The following NXPH1 variants were observed in gnomAD, a reference collection of about 807,000 sequenced individuals.
NXPH1 encodes the protein neurexophilin-1.
NXPH1 carries 5 observed loss-of-function variants against 23.7 expected under a neutral mutation model. The observed-to-expected ratio is 0.21, with a 90% CI of 0.11 to 0.44. The LOEUF is 0.44. Among genes scored for constraint, NXPH1 ranks in the 20% least tolerant of loss-of-function variants. The pLI, the probability that NXPH1 is intolerant of heterozygous loss-of-function variation, is 0.99. For synonymous variants in NXPH1, 144 were observed against 122.2 expected, an observed-to-expected ratio of 1.18 and a Z score of -1.18; for missense variants, 324 against 321.6, an observed-to-expected ratio of 1.01 and a Z score of -0.06.
intron 2 of NXPH1, among the ~76,000 whole-genome samples, chr7:8,470,508 A>T (rs1383690522): frequency 6.6e-6 from 1 of 152,172 alleles, no homozygotes; most frequent in Admixed American, 6.5e-5. Flanking sequence ...TGAATATTAG[A>T]CCATTTAGGG....
intron 2 of NXPH1, among the ~76,000 whole-genome samples, chr7:8,642,708 C>G (rs1294063509): frequency 6.6e-6 from 1 of 151,824 alleles, no homozygotes; most frequent in Non-Finnish European, 1.5e-5. Context: ...TTTCATATTC[C>G]TTATTTTTCT....
chr7:8,621,061 G>T (rs1313060954), intron 2 of NXPH1, among the ~76,000 whole-genome samples: 1 of 152,116 alleles, frequency 6.6e-6, no homozygotes, highest in African/African-American at 2.4e-5. Context: ...CATCATCTTT[G>T]CTGTCAAAAA....
intron 2 of NXPH1, among the ~76,000 whole-genome samples, chr7:8,553,713 T>C (rs759250640): frequency 7.3e-5 from 11 of 151,644 alleles, no homozygotes; most frequent in Non-Finnish European, 1.6e-4. Context: ...ACAGATTTAA[T>C]GCATCACCAA....
intron 2 of NXPH1, among the ~76,000 whole-genome samples, chr7:8,576,194 T>C (rs369630740): frequency 1.2e-4 from 18 of 152,180 alleles, no homozygotes; most frequent in Admixed American, 9.8e-4. Flanking sequence ...TCTAGGCATA[T>C]GTTTGAAAAC....
At chr7:8,479,629 C>G (rs1171659319) in intron 2 of NXPH1, among the ~76,000 whole-genome samples, 1 of 152,070 alleles carries the variant, frequency 6.6e-6, no homozygotes, top group African/African-American at 2.4e-5. Context: ...TTAAAAGAAA[C>G]AGGACTTAGA....
At chr7:8,603,796 T>C (rs1173187881) in intron 2 of NXPH1, among the ~76,000 whole-genome samples, 1 of 152,178 alleles carries the variant, frequency 6.6e-6, no homozygotes, top group Admixed American at 6.6e-5. Context: ...TGGCATCCTC[T>C]CCTTTATTTG....
intron 2 of NXPH1, among the ~76,000 whole-genome samples, chr7:8,592,970 C>G (rs770173304): frequency 6.6e-6 from 1 of 151,864 alleles, no homozygotes; most frequent in Non-Finnish European, 1.5e-5. Flanking sequence ...TCATTGTCCC[C>G]GTTTTACCAA....
intron 2 of NXPH1, among the ~76,000 whole-genome samples, chr7:8,461,941 G>T (rs540662734): frequency 2.0e-5 from 3 of 151,836 alleles, no homozygotes. Context: ...GCTACTTGGG[G>T]TTTATATGTA....
chr7:8,700,087 G>C (rs1779598195), intron 2 of NXPH1, among the ~76,000 whole-genome samples: 1 of 152,242 alleles, frequency 6.6e-6, no homozygotes, highest in Admixed American at 6.5e-5. Context: ...CCTGTGAAAG[G>C]CAGCAGAGCA....
intron 2 of NXPH1, among the ~76,000 whole-genome samples, chr7:8,557,404 C>A (rs1490112804): frequency 6.6e-6 from 1 of 151,634 alleles, no homozygotes; most frequent in African/African-American, 2.4e-5. Context: ...AGGAGGCTTC[C>A]ATGGTATACT....
intron 2 of NXPH1, among the ~76,000 whole-genome samples, chr7:8,649,227 T>C (rs987787521): frequency 6.6e-6 from 1 of 152,192 alleles, no homozygotes; most frequent in African/African-American, 2.4e-5. Flanking sequence ...TTTACATTCA[T>C]TGTGATTGCC....
chr7:8,462,171 C>G (rs897897255), intron 2 of NXPH1, among the ~76,000 whole-genome samples: 11 of 152,116 alleles, frequency 7.2e-5, no homozygotes, highest in African/African-American at 2.7e-4. Context: ...ACCTCAGCCT[C>G]CCAAGTAGCT....
At chr7:8,528,627 G>A (rs2128616980) in intron 2 of NXPH1, among the ~76,000 whole-genome samples, 1 of 152,216 alleles carries the variant, frequency 6.6e-6, no homozygotes, top group South Asian at 2.1e-4. Context: ...ATTCTTCTTT[G>A]AAGGAACAGC....
At chr7:8,726,343 T>A (rs1243103351) in intron 2 of NXPH1, among the ~76,000 whole-genome samples, 1 of 151,972 alleles carries the variant, frequency 6.6e-6, no homozygotes, top group Non-Finnish European at 1.5e-5. Flanking sequence ...TTTAAATGTA[T>A]TATTATTATA....
chr7:8,435,698 T>C lies in NXPH1; in HGVS notation c.-16T>C. ...CTCAAAGAAGGCACCGCCAAGGAAG[T>C]TTGAGACGCGGGAGAATGCAGGCTG... is the stretch of plus-strand genomic sequence containing the variant. On this transcript the variant is annotated 5_prime_UTR_variant, in exon 2 of 3. Coordinates refer to ENST00000405863, the MANE Select transcript of NXPH1 (RefSeq NM_152745.3). This position sits in a 1 kb window ranked among gnomAD's most constrained non-coding sequence, Gnocchi z 5.9. 1 of 1,613,654 alleles carries C rather than the reference T, an allele frequency of 6.2e-7. No individual in the cohort carries two copies. Among genetic ancestry groups the C allele is most frequent in the Non-Finnish European group, 8.5e-7 (1 of 1,179,646 alleles).
At chr7:8,490,041 T>A (rs1439465209) in intron 2 of NXPH1, among the ~76,000 whole-genome samples, 1 of 152,064 alleles carries the variant, frequency 6.6e-6, no homozygotes, top group Non-Finnish European at 1.5e-5. Flanking sequence ...TATTCCTGAG[T>A]CCCAGCCTTA....
intron 2 of NXPH1, among the ~76,000 whole-genome samples, chr7:8,438,724 G>C (rs1816241865): frequency 6.6e-6 from 1 of 152,190 alleles, no homozygotes; most frequent in Admixed American, 6.5e-5. Context: ...CTCTGCAGTA[G>C]GTCAATGCCC....
chr7:8,462,223 A>G (rs553679102), intron 2 of NXPH1, among the ~76,000 whole-genome samples: 1 of 152,206 alleles, frequency 6.6e-6, no homozygotes, highest in Admixed American at 6.5e-5. Flanking sequence ...TAATTTTTGT[A>G]TTTTTAGTAG....
intron 2 of NXPH1, among the ~76,000 whole-genome samples, chr7:8,729,556 T>C (rs1402329677): frequency 7.9e-6 from 1 of 126,466 alleles, no homozygotes; most frequent in Non-Finnish European, 1.6e-5. Context: ...TTCTCCTTGG[T>C]TTCAAAGAAC....
Sources: allele counts gnomAD v4.1 joint callset (sites outside exome capture counted in the v4.1 genomes callset), GRCh38; gene constraint gnomAD v4.1.1; non-coding constraint Gnocchi (gnomAD v3.1); transcripts MANE v1.5; gene names NCBI Gene and HGNC (gene_info 2026-07-23, HGNC 2026-07-21).